Variants in ECPAS observed in about 807,000 individuals in gnomAD.
ECPAS encodes the protein Ecm29 proteasome adaptor and scaffold.
A neutral mutation model predicts 255.1 loss-of-function variants in ECPAS; 70 were observed. That is an observed-to-expected ratio of 0.27 (90% CI 0.23 to 0.33). The LOEUF is 0.33. Among genes scored for constraint, ECPAS ranks in the 10% least tolerant of loss-of-function variants. The pLI is 1.00. For synonymous variants in ECPAS, 784 were observed against 775.0 expected (o/e 1.01, Z -0.19); for missense variants, 1,817 against 2,206.4 (o/e 0.82, Z 3.54).
At chr9:111,441,477 C>T (rs1408068720) in intron 5 of ECPAS, among the ~76,000 whole-genome samples, 1 of 152,016 alleles carries the variant, frequency 6.6e-6, no homozygotes, top group Non-Finnish European at 1.5e-5. Flanking sequence ...TGCACTCCAG[C>T]CTCGGCAACA....
In ECPAS at chr9:111,371,773, C is replaced by T. The variant is rs1247444876; in HGVS notation, c.4585G>A (p.Ala1529Thr). The T allele has an allele frequency of 1.1e-5, 17 of 1,613,706 alleles. No homozygotes were observed. In the East Asian group the frequency reaches 3.8e-4, roughly 36 times the overall value. ...LQELITITQK[A>T]LQSQSWKMKA... ...ATTTTCCAGGACTGAGACTGCAAAG[C>T]CTTCTGGGTAATAGTAATTAACTCC... Residue 1529 changes from alanine to threonine, a missense_variant, in exon 43 of 50, where the codon GCT becomes ACT. Ala to Thr is a moderately conservative substitution (Grantham distance 58). This residue lies in a region of ECPAS where 960 missense variants were observed against 1,179.0 expected (regional missense o/e 0.81). Transcript: ENST00000684092.
intron 48 of ECPAS, among the ~76,000 whole-genome samples, chr9:111,365,288 T>TCATCATC (rs371598548): frequency 6.8e-6 from 1 of 147,532 alleles, no homozygotes; most frequent in Non-Finnish European, 1.5e-5. Context: ...TAATAACCAT[T>TCATCATC]ATCATCATCA....
intron 17 of ECPAS, 35 bp from the exon 18 acceptor site, chr9:111,416,387 T>C (rs751046247): frequency 2.6e-5 from 39 of 1,517,392 alleles, no homozygotes; most frequent in Non-Finnish European, 3.1e-5. Flanking sequence ...ACACAATTAC[T>C]GAAAAATGAA....
At chr9:111,481,675 T>C (rs915894993) in intron 1 of ECPAS, among the ~76,000 whole-genome samples, 4 of 152,114 alleles carry the variant, frequency 2.6e-5, no homozygotes, top group Non-Finnish European at 5.9e-5. Context: ...TTATTCCCAA[T>C]AGCTAAAATG....
intron 7 of ECPAS, among the ~76,000 whole-genome samples, chr9:111,435,813 G>C (rs2098237267): frequency 6.7e-6 from 1 of 149,764 alleles, no homozygotes; most frequent in Non-Finnish European, 1.5e-5. Flanking sequence ...CTGAATAGCT[G>C]GGACTACAGG....
chr9:111,383,131 C>G (rs909435001), intron 35 of ECPAS, 80 bp downstream of exon 35: 10 of 1,538,766 alleles, frequency 6.5e-6, no homozygotes, highest in Non-Finnish European at 8.9e-6. Context: ...TCCATATTTT[C>G]CAGAATCTAA....
intron 6 of ECPAS, among the ~76,000 whole-genome samples, chr9:111,440,140 G>A (rs2098243817): frequency 1.3e-5 from 2 of 151,984 alleles, no homozygotes; most frequent in South Asian, 4.1e-4. Context: ...ATTTTTATGG[G>A]GAAAGACTGA....
At chr9:111,436,700 C>T (rs922846258) in intron 7 of ECPAS, among the ~76,000 whole-genome samples, 4 of 152,012 alleles carry the variant, frequency 2.6e-5, no homozygotes. Flanking sequence ...GTGAGTTGTG[C>T]TTTATACTTG....
intron 46 of ECPAS, among the ~76,000 whole-genome samples, chr9:111,367,116 T>C (rs947674803): frequency 6.6e-6 from 1 of 152,218 alleles, no homozygotes; most frequent in African/African-American, 2.4e-5. Context: ...TATAAACCTG[T>C]TATGCCAACT....
Position 111,423,250 on chromosome 9 carries a change from T to C in ECPAS, c.1216-2A>G. ...TGCCATTGACAGTAGTTTAGGGTCC[T>C]TGAAATTAAAAAAAGAAAAGAAAGA... On this transcript the variant is annotated splice_acceptor_variant, in intron 12 of 49. Transcript: ENST00000684092. LOFTEE classifies it high-confidence loss of function. 6.5e-7 allele frequency: 1 copy of C among 1,548,842 alleles called. No individual in the cohort carries two copies. Among genetic ancestry groups the C allele is most frequent in the Non-Finnish European group, 8.7e-7 (1 of 1,143,854 alleles).
intron 7 of ECPAS, among the ~76,000 whole-genome samples, chr9:111,435,650 G>A (rs2098236904): frequency 6.6e-6 from 1 of 151,114 alleles, no homozygotes; most frequent in South Asian, 2.1e-4. Context: ...CACATAGATT[G>A]CACTCAATAA....
intron 38 of ECPAS, among the ~76,000 whole-genome samples, chr9:111,374,408 C>G (rs1057092047): frequency 3.3e-5 from 5 of 151,968 alleles, no homozygotes; most frequent in African/African-American, 1.2e-4. Context: ...TTTTCAAAAA[C>G]TGAAAACAAA....
chr9:111,423,879 C>A (rs2098217810), intron 12 of ECPAS, among the ~76,000 whole-genome samples: 1 of 152,174 alleles, frequency 6.6e-6, no homozygotes, highest in African/African-American at 2.4e-5. Context: ...AAACTTCTAC[C>A]AGTTAAAGTT....
At chr9:111,483,738 C>G (rs1344971314) in intron 1 of ECPAS, 2 of 162,042 alleles carry the variant, frequency 1.2e-5, no homozygotes, top group Non-Finnish European at 2.5e-5. Context: ...CCCCCGCGAG[C>G]TCGCGACTCG....
In ECPAS at chr9:111,373,998, C is replaced by A. The variant is rs1205623839; in HGVS notation, c.4151G>T (p.Cys1384Phe). Residue 1384 changes from cysteine to phenylalanine, a missense_variant, in exon 39 of 50, where the codon TGT becomes TTT. Transcript: ENST00000684092. ...TGAGTAAGGTGTTAGGTCCTGAGGA[C>A]ACTGAGTAGTTAATGACACAATGAC... Reference protein sequence around the residue: ...ASVIVSLTTQCPQDLTPYSGK... With the variant: ...ASVIVSLTTQFPQDLTPYSGK... 6.2e-7 allele frequency: 1 copy of A among 1,613,326 alleles called. No homozygotes were observed. Among genetic ancestry groups the A allele is most frequent in the Non-Finnish European group, 8.5e-7 (1 of 1,179,440 alleles).
chr9:111,475,675 G>C (rs1486633045), intron 1 of ECPAS, among the ~76,000 whole-genome samples: 1 of 151,380 alleles, frequency 6.6e-6, no homozygotes, highest in African/African-American at 2.4e-5. Flanking sequence ...GGCAGAGGTT[G>C]CAATGAGCCA....
At chr9:111,406,776 T>C (rs1384923233) in intron 24 of ECPAS, among the ~76,000 whole-genome samples, 1 of 149,062 alleles carries the variant, frequency 6.7e-6, no homozygotes, top group Non-Finnish European at 1.5e-5. Flanking sequence ...TGGTGGCGCA[T>C]GCCTGTGGTC....
At position 111,444,411 on chromosome 9, in the gene ECPAS, C is replaced by T. The variant is rs1251232378; in HGVS notation, c.237G>A (p.Gln79=). 6.2e-7 allele frequency: 1 copy of T among 1,613,746 alleles called. No homozygotes were observed. The highest frequency in any genetic ancestry group is 8.5e-7 in the Non-Finnish European group (1 of 1,179,698). ...IQLPVETLLV[Q]YQDPAAVSFV... is the part of the protein sequence containing the mutation. Reference sequence around the variant, plus strand: ...AGGAAACTGCAGCAGGGTCCTGGTACTGAACCAACAGTGTCTCTACTGGAA... The same window carrying T: ...AGGAAACTGCAGCAGGGTCCTGGTATTGAACCAACAGTGTCTCTACTGGAA... The change falls in exon 4 of 50, where the codon CAG becomes CAA. Residue 79 remains glutamine, a synonymous_variant. Transcript: ENST00000684092.
intron 2 of ECPAS, among the ~76,000 whole-genome samples, chr9:111,452,470 G>A (rs2098261579): frequency 6.6e-6 from 1 of 152,068 alleles, no homozygotes; most frequent in African/African-American, 2.4e-5. Context: ...TAGAGATAAA[G>A]ATGGAAATAT....
Sources: gnomAD v4.1 joint callset for allele counts (sites outside exome capture counted in the v4.1 genomes callset) on GRCh38, gnomAD v4.1.1 for gene constraint, gnomAD v4.1.1 regional missense constraint, MANE v1.5 for transcripts, NCBI Gene and HGNC (gene_info 2026-07-23, HGNC 2026-07-21) for gene names.